Variants in KCTD1 observed in about 807,000 individuals in gnomAD.
The protein encoded by KCTD1 is BTB/POZ domain-containing protein KCTD1.
Under a neutral mutation model 66.0 loss-of-function variants are expected in KCTD1, and 24 were observed. That is an observed-to-expected ratio of 0.36 (90% CI 0.26 to 0.51). The LOEUF (loss-of-function observed/expected upper bound fraction) is 0.51. KCTD1 is among the 20% of genes least tolerant of loss of function. The pLI, the probability that KCTD1 is intolerant of heterozygous loss-of-function variation, is 0.95. For synonymous variants in KCTD1, 511 were observed against 517.2 expected, an observed-to-expected ratio of 0.99 and a Z score of 0.16; for missense variants, 943 against 1,205.2, an observed-to-expected ratio of 0.78 and a Z score of 3.22.
At chr18:26,641,169 C>T (rs1432422614), upstream of KCTD1, among the ~76,000 whole-genome samples, 2 of 152,166 alleles carry the variant, frequency 1.3e-5, no homozygotes, top group African/African-American at 2.4e-5. Flanking sequence ...CTTTCCCAAC[C>T]CACTGGCCAC....
upstream of KCTD1, chr18:26,549,586 A>C (rs1047742969): frequency 8.1e-6 from 6 of 737,466 alleles, no homozygotes; most frequent in Non-Finnish European, 9.9e-6. Context: ...AAAGTGACAC[A>C]ACTCCCTCGG....
At chr18:26,466,392 T>C (rs1217621378) in intron 3 of KCTD1, among the ~76,000 whole-genome samples, 1 of 152,246 alleles carries the variant, frequency 6.6e-6, no homozygotes, top group African/African-American at 2.4e-5. Context: ...GATAAACTAG[T>C]AAGCGCTTCC....
Position 26,455,622 on chromosome 18 carries a change from G to T in KCTD1, c.*121C>A. ...TGTGGTCTCTATTGGATATAAATGT[G>T]TCTTTTATTCGATTTTACGTCCAGG... On this transcript the variant is annotated 3_prime_UTR_variant, in exon 5 of 5. Transcript: ENST00000580059. 1.7e-6 allele frequency: 2 copies of T among 1,207,788 alleles called. No homozygotes were observed. The highest frequency in any genetic ancestry group is 2.4e-6 in the Non-Finnish European group (2 of 837,986). The allele number at this position is 1,207,788 out of a possible 1,614,324, so 74.8% of individuals were successfully genotyped here. A position where few individuals can be genotyped will look rare whatever the true frequency, so the allele number is the denominator to read the frequency against.
At chr18:26,524,040 G>A (rs1984040931) in intron 1 of KCTD1, among the ~76,000 whole-genome samples, 3 of 152,186 alleles carry the variant, frequency 2.0e-5, no homozygotes, top group Admixed American at 2.0e-4. Flanking sequence ...CAATGTAGGG[G>A]ACAAGAGGGA....
chr18:26,501,082 G>A lies in KCTD1; in HGVS notation c.1978C>T (p.Pro660Ser). Residue 660 changes from proline to serine, a missense_variant, in exon 2 of 5, where the codon CCT (proline) becomes TCT (serine). Pro to Ser is a moderately conservative substitution (Grantham distance 74, BLOSUM62 -1). Transcript: ENST00000580059. ...TSSLATLTKY[P>S]ESRIGRLFDG... ...AGTTTTTCAGATTACCTGGATTCAGGGTATTTGGTGAGGGTGGCCAGGCTG... is the reference window on the plus strand; with the variant it reads ...AGTTTTTCAGATTACCTGGATTCAGAGTATTTGGTGAGGGTGGCCAGGCTG... 6.2e-7 allele frequency: 1 copy of A among 1,613,226 alleles called. No homozygotes were observed.
At chr18:26,599,568 A>C in intron 1 of KCTD1, 1 of 1,504,372 alleles carries the variant, frequency 6.6e-7, no homozygotes, top group Non-Finnish European at 9.3e-7. Context: ...CAGTCTGCCC[A>C]CAAAGAATCC....
chr18:26,476,436 T>C lies in KCTD1; in HGVS notation c.2133+79A>G. On this transcript the variant is annotated intron_variant, in intron 3 of 4. Transcript: ENST00000580059. This position sits in a 1 kb window ranked among gnomAD's most constrained non-coding sequence, Gnocchi z 4.9. ...TTCGAGTTGGTGTATGTTAATAATG[T>C]AGAACTAGAAATATTTTTTTGGAGC... 1 of 1,365,872 alleles carries C rather than the reference T, an allele frequency of 7.3e-7. No individual in the cohort carries two copies. Among genetic ancestry groups the C allele is most frequent in the Non-Finnish European group, 1.0e-6 (1 of 1,000,116 alleles). The allele number at this position is 1,365,872 out of a possible 1,614,324, so 84.6% of individuals were successfully genotyped here. A position where few individuals can be genotyped will look rare whatever the true frequency, so the allele number is the denominator to read the frequency against.
intron 1 of KCTD1, among the ~76,000 whole-genome samples, chr18:26,558,568 C>T (rs1243475091): frequency 6.6e-6 from 1 of 152,124 alleles, no homozygotes; most frequent in Admixed American, 6.5e-5. Context: ...TGTCCATCAA[C>T]AGATGAATAG....
chr18:26,528,985 T>G (rs939265921), intron 1 of KCTD1, among the ~76,000 whole-genome samples: 4 of 152,232 alleles, frequency 2.6e-5, no homozygotes, highest in Non-Finnish European at 4.4e-5. Context: ...TGTAAACTGA[T>G]GAAATTCCAA....
At chr18:26,617,574 T>A (rs186091895) in intron 1 of KCTD1, among the ~76,000 whole-genome samples, 435 of 152,346 alleles carry the variant, frequency 2.9e-3, no homozygotes, top group Admixed American at 4.0e-3. Context: ...TTATAAATGA[T>A]GACATGTATT....
chr18:26,559,401 A>C (rs1404318580), intron 1 of KCTD1, among the ~76,000 whole-genome samples: 1 of 152,220 alleles, frequency 6.6e-6, no homozygotes, highest in East Asian at 1.9e-4. Flanking sequence ...CACAAAAAAG[A>C]AAACAAGAAA....
At chr18:26,512,952 G>C (rs1032921711) in intron 1 of KCTD1, among the ~76,000 whole-genome samples, 13 of 151,990 alleles carry the variant, frequency 8.6e-5, no homozygotes, top group African/African-American at 3.1e-4. Flanking sequence ...CCGCACTCCA[G>C]CCTGGGCAAC....
At chr18:26,458,905 A>G (rs1485424513) in intron 4 of KCTD1, 3 of 152,266 alleles carry the variant, frequency 2.0e-5, no homozygotes, top group African/African-American at 7.2e-5. Flanking sequence ...TCACTTTAAA[A>G]TACGAGTTCT....
At chr18:26,644,521 G>T (rs1347352986), upstream of KCTD1, among the ~76,000 whole-genome samples, 1 of 152,038 alleles carries the variant, frequency 6.6e-6, no homozygotes, top group Non-Finnish European at 1.5e-5. Flanking sequence ...CATTTCAGGA[G>T]GCCAAGGCGG....
At chr18:26,500,772 T>A (rs1043508038) in intron 2 of KCTD1, among the ~76,000 whole-genome samples, 3 of 152,144 alleles carry the variant, frequency 2.0e-5, no homozygotes, top group Non-Finnish European at 2.9e-5. Context: ...TGGGGAGAAA[T>A]CACCATCTTT....
At chr18:26,474,004 C>T (rs988165750) in intron 3 of KCTD1, among the ~76,000 whole-genome samples, 1 of 152,210 alleles carries the variant, frequency 6.6e-6, no homozygotes, top group Non-Finnish European at 1.5e-5. Context: ...GAGAAGATAA[C>T]TAAGGGGCCC....
At chr18:26,554,123 A>C (rs1475794341) in intron 1 of KCTD1, among the ~76,000 whole-genome samples, 2 of 137,636 alleles carry the variant, frequency 1.5e-5, no homozygotes, top group East Asian at 5.8e-4. Context: ...AAAGAAAGAA[A>C]AGAGAAAGAA....
At chr18:26,511,065 G>GA (rs1567974210) in intron 1 of KCTD1, among the ~76,000 whole-genome samples, 1 of 152,010 alleles carries the variant, frequency 6.6e-6, no homozygotes, top group Non-Finnish European at 1.5e-5. Context: ...TTTAAAAATG[G>GA]AAAAAACAGC....
At chr18:26,567,487 TG>T (rs373994185) in intron 1 of KCTD1, among the ~76,000 whole-genome samples, 1,932 of 113,402 alleles carry the variant, frequency 0.017, 39 homozygotes, top group African/African-American at 0.062. Context: ...CTGTTGTTGT[TG>T]TTTTTTTTTT....
Sources: gnomAD v4.1 joint callset for allele counts (sites outside exome capture counted in the v4.1 genomes callset) on GRCh38, gnomAD v4.1.1 for gene constraint, Gnocchi (gnomAD v3.1) non-coding constraint, MANE v1.5 for transcripts, NCBI Gene and HGNC (gene_info 2026-07-23, HGNC 2026-07-21) for gene names.